Variants in KATNIP observed in about 807,000 individuals in gnomAD.
KATNIP encodes the protein katanin-interacting protein.
In KATNIP, 126 loss-of-function variants were observed where a neutral mutation model predicts 174.0. The ratio of observed to expected loss-of-function variants is 0.72; its 90% CI spans 0.63 to 0.84. The LOEUF is 0.84. KATNIP is among the 40% of genes least tolerant of loss of function. The probability of loss-of-function intolerance (pLI) is 0.00; values close to 1 mark genes in which losing one functional copy is unlikely to be tolerated. For synonymous variants in KATNIP, 810 were observed against 835.7 expected (o/e 0.97, Z 0.53); for missense variants, 1,958 against 2,109.7 (o/e 0.93, Z 1.41).
chr16:27,728,731 A>G (rs1440104072), intron 14 of KATNIP, among the ~76,000 whole-genome samples: 1 of 152,246 alleles, frequency 6.6e-6, no homozygotes, highest in East Asian at 1.9e-4. Flanking sequence ...CGGCCCAGCC[A>G]CATTCAGCCT....
chr16:27,777,575 G>C lies in KATNIP; in HGVS notation c.4552-35G>C, dbSNP rs2144312361. On this transcript the variant is annotated intron_variant, in intron 25 of 27. Coordinates refer to ENST00000261588, the MANE Select transcript of KATNIP (RefSeq NM_015202.5). This position sits in a 1 kb window ranked among gnomAD's most constrained non-coding sequence, Gnocchi z 4.4. ...CCCAAGGTCAACGTGGGAGGGACGAGGGGGACCCATGAGTCCTGCCCCGTG... is the reference window on the plus strand; with the variant it reads ...CCCAAGGTCAACGTGGGAGGGACGACGGGGACCCATGAGTCCTGCCCCGTG... 1.3e-6 allele frequency: 2 copies of C among 1,570,548 alleles called. No homozygotes were observed. Among genetic ancestry groups the C allele is most frequent in the African/African-American group, 1.4e-5 (1 of 73,996 alleles).
intron 3 of KATNIP, among the ~76,000 whole-genome samples, chr16:27,621,782 G>A (rs951312211): frequency 2.7e-5 from 4 of 150,790 alleles, no homozygotes; most frequent in Middle Eastern, 3.4e-3. Context: ...GGAGAGAGAG[G>A]GTGGGGGGGA....
At chr16:27,714,883 G>A (rs1042298442) in intron 13 of KATNIP, among the ~76,000 whole-genome samples, 1 of 152,142 alleles carries the variant, frequency 6.6e-6, no homozygotes, top group African/African-American at 2.4e-5. Flanking sequence ...TCCCCAAACT[G>A]ACCTACAGAT....
chr16:27,577,768 G>T (rs780810387), intron 2 of KATNIP, among the ~76,000 whole-genome samples: 142 of 152,212 alleles, frequency 9.3e-4, no homozygotes, highest in Non-Finnish European at 1.9e-3. Context: ...AGCTACCCTG[G>T]AGGCTGAGGC....
chr16:27,665,654 G>A (rs558095159), intron 6 of KATNIP, among the ~76,000 whole-genome samples: 12 of 150,576 alleles, frequency 8.0e-5, no homozygotes, highest in African/African-American at 2.7e-4. Context: ...AGGCTGGAGT[G>A]CACTGGTACG....
At chr16:27,570,899 T>G (rs1470960868) in intron 1 of KATNIP, among the ~76,000 whole-genome samples, 1 of 152,206 alleles carries the variant, frequency 6.6e-6, no homozygotes, top group Admixed American at 6.5e-5. Context: ...GAGTCTATTT[T>G]AAGGCTAAGA....
chr16:27,690,567 C>T (rs992088914), intron 8 of KATNIP, among the ~76,000 whole-genome samples: 2 of 152,156 alleles, frequency 1.3e-5, no homozygotes, highest in Admixed American at 6.5e-5. Flanking sequence ...AGCCTGATGA[C>T]GTTGGCCCAT....
rs1403398316 is a variant in KATNIP at position 27,662,071 on chromosome 16, T to TATATATATATATATAC, written c.540+13337_540+13338insTATATATATATATACA. On this transcript the variant is annotated intron_variant, in intron 6 of 27. Transcript: ENST00000261588. ...ATACATATATATATATATATATATA[T>TATATATATATATATAC]ACACACATATATATATACACATACA... Among the ~76,000 whole-genome samples the TATATATATATATATAC allele has an allele frequency of 1.0e-3, 60 of 57,188 alleles. 15 individuals are homozygous for TATATATATATATATAC. Among genetic ancestry groups the TATATATATATATATAC allele is most frequent in the Admixed American group, 1.7e-3 (8 of 4,780 alleles). The allele number at this position is 57,188 out of a possible 152,430, so 37.5% of individuals were successfully genotyped here.
chr16:27,776,629 G>A lies in KATNIP; in HGVS notation c.4450-299G>A, dbSNP rs1318705269. Among the ~76,000 whole-genome samples, 2 of 152,160 alleles carry A rather than the reference G, an allele frequency of 1.3e-5. No individual in the cohort carries two copies. The highest frequency in any genetic ancestry group is 2.9e-5 in the Non-Finnish European group (2 of 68,030). On this transcript the variant is annotated intron_variant, in intron 24 of 27. Transcript: ENST00000261588. The surrounding 1 kb of genome is among the most constrained non-coding windows in gnomAD (Gnocchi z 4.7). ...TTCTGGGCCTGACCTGAGGGGACGT[G>A]GGGGAGGGCCGAGGATGTTCCCAAT...
intron 2 of KATNIP, among the ~76,000 whole-genome samples, chr16:27,590,712 G>A (rs1204373319): frequency 1.3e-5 from 2 of 152,286 alleles, no homozygotes; most frequent in East Asian, 3.9e-4. Context: ...TTGACCCTTG[G>A]CCTGGGGCCT....
At chr16:27,679,491 A>C (rs552129527) in intron 7 of KATNIP, among the ~76,000 whole-genome samples, 1 of 152,142 alleles carries the variant, frequency 6.6e-6, no homozygotes, top group Non-Finnish European at 1.5e-5. Context: ...ACAGTGGCTC[A>C]TGTCTGTAAT....
intron 8 of KATNIP, among the ~76,000 whole-genome samples, chr16:27,689,324 G>A (rs536380020): frequency 6.6e-6 from 1 of 152,048 alleles, no homozygotes; most frequent in African/African-American, 2.4e-5. Context: ...GCTGAGGTTG[G>A]AGAATCACTT....
chr16:27,580,588 A>T (rs2090661161), intron 2 of KATNIP, among the ~76,000 whole-genome samples: 1 of 152,060 alleles, frequency 6.6e-6, no homozygotes, highest in Non-Finnish European at 1.5e-5. Context: ...TCAATTTCTT[A>T]TGTGTCCTTC....
At chr16:27,667,100 C>T (rs534723977) in intron 6 of KATNIP, among the ~76,000 whole-genome samples, 3 of 152,192 alleles carry the variant, frequency 2.0e-5, no homozygotes, top group East Asian at 3.9e-4. Flanking sequence ...GCAGGAGGAT[C>T]GCTTGAGCCC....
intron 2 of KATNIP, among the ~76,000 whole-genome samples, chr16:27,574,941 T>C (rs532566612): frequency 6.6e-6 from 1 of 152,128 alleles, no homozygotes; most frequent in African/African-American, 2.4e-5. Context: ...AGCTACAAAA[T>C]ATTGTGGCCA....
At chr16:27,724,768 T>A (rs1259559436) in intron 14 of KATNIP, among the ~76,000 whole-genome samples, 1 of 152,208 alleles carries the variant, frequency 6.6e-6, no homozygotes, top group East Asian at 1.9e-4. Context: ...TTAGAGGAGA[T>A]AAAATGAGAG....
chr16:27,688,611 T>C (rs889697717), intron 8 of KATNIP, among the ~76,000 whole-genome samples: 8 of 152,062 alleles, frequency 5.3e-5, no homozygotes, highest in African/African-American at 1.9e-4. Flanking sequence ...ATAAAATAAA[T>C]CAGATTATTG....
intron 8 of KATNIP, among the ~76,000 whole-genome samples, chr16:27,693,358 C>T (rs2142929165): frequency 6.6e-6 from 1 of 152,296 alleles, no homozygotes; most frequent in South Asian, 2.1e-4. Context: ...AGAGACAGTA[C>T]ATCAAAGTCT....
intron 22 of KATNIP, among the ~76,000 whole-genome samples, chr16:27,772,621 C>T (rs2082346045): frequency 6.6e-6 from 1 of 152,224 alleles, no homozygotes; most frequent in Admixed American, 6.5e-5. Flanking sequence ...CCCTTCTTAG[C>T]CTCCTGTTTA....
Sources: gnomAD v4.1 joint callset for allele counts (sites outside exome capture counted in the v4.1 genomes callset) on GRCh38, gnomAD v4.1.1 for gene constraint, Gnocchi (gnomAD v3.1) non-coding constraint, MANE v1.5 for transcripts, NCBI Gene and HGNC (gene_info 2026-07-23, HGNC 2026-07-21) for gene names.